Variants in HDGF observed in about 807,000 individuals in gnomAD.
The protein encoded by HDGF is hepatoma-derived growth factor.
In HDGF, 5 loss-of-function variants were observed where a neutral mutation model predicts 30.0. The ratio of observed to expected loss-of-function variants is 0.17; its 90% CI spans 0.09 to 0.35. HDGF has a LOEUF of 0.35. Among genes scored for constraint, HDGF ranks in the 10% least tolerant of loss-of-function variants. HDGF has a pLI of 1.00. For missense variants in HDGF, 214 were observed against 302.8 expected, an observed-to-expected ratio of 0.71 and a Z score of 2.18; for synonymous variants, 133 against 112.7, an observed-to-expected ratio of 1.18 and a Z score of -1.14.
upstream of HDGF, chr1:156,752,217 C>T: frequency 6.4e-7 from 1 of 1,551,796 alleles, no homozygotes. Flanking sequence ...CTCTGGACCT[C>T]GCCGTGCTTA....
chr1:156,752,320 T>A, upstream of HDGF: 3 of 1,551,760 alleles, frequency 1.9e-6, no homozygotes, highest in Admixed American at 5.9e-5. Context: ...AGCCAGGAGA[T>A]GGCCAAGGAG....
At chr1:156,761,023 A>G (rs2102740259) in intron 1 of HDGF, among the ~76,000 whole-genome samples, 1 of 152,068 alleles carries the variant, frequency 6.6e-6, no homozygotes, top group East Asian at 1.9e-4. Context: ...AAATGTTTCT[A>G]CAAAAAAAAT....
chr1:156,742,717 C>T lies in HDGF; in HGVS notation c.*732G>A, dbSNP rs907722145. 6.5e-6 allele frequency: 1 copy of T among 154,698 alleles called. No homozygotes were observed. Among genetic ancestry groups the T allele is most frequent in the Non-Finnish European group, 1.5e-5 (1 of 68,204 alleles). 9.6% of individuals were successfully genotyped at this position (154,698 alleles called of 1,614,324 possible). A position where few individuals can be genotyped will look rare whatever the true frequency, so the allele number is the denominator to read the frequency against. On this transcript the variant is annotated 3_prime_UTR_variant, in exon 6 of 6. Coordinates refer to ENST00000357325, the MANE Select transcript of HDGF (RefSeq NM_004494.3). ...TAAAGGGGGACAGATGCTCAACACT[C>T]CCACCCAAATGGGTAAAGTCAACCC...
intron 4 of HDGF, 45 bp downstream of exon 4, chr1:156,744,118 G>A (rs1650335076): frequency 6.3e-7 from 1 of 1,583,792 alleles, no homozygotes; most frequent in African/African-American, 1.3e-5. Flanking sequence ...GATACCCCAT[G>A]GGGAATGTTG....
rs138665143 is a variant in HDGF, at chr1:156,742,613, C to T, written c.*836G>A. The T allele has an allele frequency of 6.5e-6, 1 of 152,948 alleles. No individual in the cohort carries two copies. The highest frequency in any genetic ancestry group is 1.9e-4 in the East Asian group (1 of 5,186). The allele number at this position is 152,948 out of a possible 1,614,324, so 9.5% of individuals were successfully genotyped here. ...TCTGGGTGATATATATGACTATAAGCTGGCCTTGAGCACTGTGTGGAGAGG... is the reference window on the plus strand; with the variant it reads ...TCTGGGTGATATATATGACTATAAGTTGGCCTTGAGCACTGTGTGGAGAGG... On this transcript the variant is annotated 3_prime_UTR_variant, in exon 6 of 6. Coordinates refer to ENST00000357325, the MANE Select transcript of HDGF (RefSeq NM_004494.3).
intron 1 of HDGF, among the ~76,000 whole-genome samples, chr1:156,748,694 G>C (rs1650760643): frequency 6.6e-6 from 1 of 152,160 alleles, no homozygotes; most frequent in Non-Finnish European, 1.5e-5. Context: ...CTCTCCCCCA[G>C]CCTCAGACTA....
Position 156,744,197 on chromosome 1 carries a change from C to G in HDGF, c.455G>C (p.Gly152Ala), listed in dbSNP as rs1287090650. The change falls in exon 4 of 6, where the codon GGA becomes GCA. Residue 152 changes from glycine to alanine, a missense_variant. Gly to Ala is a moderately conservative substitution (Grantham distance 60, BLOSUM62 0). Around this residue, in one of 2 missense-constraint regions of HDGF, gnomAD observed 176 missense variants for 211.7 expected, o/e 0.83. Coordinates refer to ENST00000357325, the MANE Select transcript of HDGF (RefSeq NM_004494.3). ...DEPAKEKNEK[G>A]ALKRRAGDLL... is the part of the protein sequence containing the mutation. Reference sequence around the variant, plus strand: ...GTCCCCTGCTCTCCTCTTCAACGCTCCTTTCTCGTTCTTCTCCTTGGCTGG... The same window carrying G: ...GTCCCCTGCTCTCCTCTTCAACGCTGCTTTCTCGTTCTTCTCCTTGGCTGG... 6.2e-7 allele frequency: 1 copy of G among 1,614,134 alleles called. No homozygotes were observed. Among genetic ancestry groups the G allele is most frequent in the Non-Finnish European group, 8.5e-7 (1 of 1,180,006 alleles).
At chr1:156,748,911 G>C (rs1650780639) in intron 1 of HDGF, among the ~76,000 whole-genome samples, 1 of 152,234 alleles carries the variant, frequency 6.6e-6, no homozygotes, top group Admixed American at 6.5e-5. Flanking sequence ...GCACCGGGAG[G>C]AAAGACGGGT....
chr1:156,764,766 A>G (rs1029843073), intron 1 of HDGF, among the ~76,000 whole-genome samples: 2 of 151,722 alleles, frequency 1.3e-5, no homozygotes, highest in African/African-American at 4.8e-5. Flanking sequence ...CACACCTGTA[A>G]TCCCAGCTAC....
In HDGF at chr1:156,743,332, A is replaced by T. The variant is rs887454019; in HGVS notation, c.*117T>A. The T allele has an allele frequency of 1.8e-6, 2 of 1,088,862 alleles. No homozygotes were observed. Among genetic ancestry groups the T allele is most frequent in the African/African-American group, 3.2e-5 (2 of 61,964 alleles). The allele number at this position is 1,088,862 out of a possible 1,614,324, so 67.5% of individuals were successfully genotyped here. On this transcript the variant is annotated 3_prime_UTR_variant, in exon 6 of 6. Transcript: ENST00000357325. Reference sequence around the variant, plus strand: ...TTGGAGTGGGAAAAGTGAGTAGAAGAGGAGAGCAGGTTGGGGTGGGAAAGG... The same window carrying T: ...TTGGAGTGGGAAAAGTGAGTAGAAGTGGAGAGCAGGTTGGGGTGGGAAAGG...
upstream of HDGF, among the ~76,000 whole-genome samples, chr1:156,754,073 G>A (rs146418934): frequency 5.1e-4 from 78 of 151,662 alleles, no homozygotes; most frequent in African/African-American, 1.3e-3. Flanking sequence ...GCGTCACCAC[G>A]CCAGGCTAAT....
chr1:156,748,126 A>G (rs1333139402), intron 1 of HDGF, among the ~76,000 whole-genome samples: 1 of 152,054 alleles, frequency 6.6e-6, no homozygotes, highest in East Asian at 1.9e-4. Flanking sequence ...GCATCATCCC[A>G]CCTGGCTCCC....
At position 156,743,583 on chromosome 1, in the gene HDGF, T is replaced by A. The variant is rs556819945; in HGVS notation, c.716+69A>T. On this transcript the variant is annotated intron_variant, in intron 5 of 5. Coordinates refer to ENST00000357325, the MANE Select transcript of HDGF (RefSeq NM_004494.3). ...AGAGGCTGACCACTGCAGGCCCTTT[T>A]CATCCTCTTCTCCGAGAGTGGCCGG... 99 of 1,556,584 alleles carry A rather than the reference T, an allele frequency of 6.4e-5. 3 individuals carry two copies. In the Admixed American group the frequency reaches 1.6e-3, roughly 25 times the overall value.
rs371694112 is a variant in HDGF at position 156,751,322 on chromosome 1, G to A, written c.87+21C>T. ...ACCCAAGCCCGCAGGGGGTTAGGGG[G>A]CGGCGGGCCGCGCTGCTCACCCGGG... On this transcript the variant is annotated intron_variant, in intron 1 of 5. Coordinates refer to ENST00000357325, the MANE Select transcript of HDGF (RefSeq NM_004494.3). This position sits in a 1 kb window ranked among gnomAD's most constrained non-coding sequence, Gnocchi z 4.7. The A allele has an allele frequency of 2.5e-6, 4 of 1,604,526 alleles. No homozygotes were observed. Among genetic ancestry groups the A allele is most frequent in the Admixed American group, 1.7e-5 (1 of 59,330 alleles).
chr1:156,765,623 C>T (rs1303686798), intron 1 of HDGF, among the ~76,000 whole-genome samples: 2 of 150,970 alleles, frequency 1.3e-5, no homozygotes, highest in Admixed American at 6.6e-5. Flanking sequence ...TACAGGCGCC[C>T]GCCACCACAC....
At chr1:156,754,270 AAG>A (rs1651117385), upstream of HDGF, among the ~76,000 whole-genome samples, 1 of 152,246 alleles carries the variant, frequency 6.6e-6, no homozygotes, top group Non-Finnish European at 1.5e-5. Flanking sequence ...AGTAAAAAGC[AAG>A]AGCCCTTCCC....
At chr1:156,761,857 G>C (rs1423280124) in intron 1 of HDGF, among the ~76,000 whole-genome samples, 2 of 147,658 alleles carry the variant, frequency 1.4e-5, no homozygotes, top group Non-Finnish European at 3.0e-5. Context: ...TGAGGCAGGA[G>C]AATCACTTGA....
chr1:156,744,661 C>T (rs1160797992), intron 3 of HDGF: 9 of 687,420 alleles, frequency 1.3e-5, no homozygotes, highest in Admixed American at 7.1e-5. Context: ...CCTCCCGCCT[C>T]GTCCTGCCCG....
chr1:156,747,847 G>A (rs1229220614), intron 1 of HDGF, among the ~76,000 whole-genome samples: 3 of 152,148 alleles, frequency 2.0e-5, no homozygotes, highest in African/African-American at 7.2e-5. Flanking sequence ...ACTGCAAAGT[G>A]GCTACCTGGC....
Sources: gnomAD v4.1 joint callset for allele counts (sites outside exome capture counted in the v4.1 genomes callset) on GRCh38, gnomAD v4.1.1 for gene constraint, gnomAD v4.1.1 regional missense constraint, Gnocchi (gnomAD v3.1) non-coding constraint, MANE v1.5 for transcripts, NCBI Gene and HGNC (gene_info 2026-07-23, HGNC 2026-07-21) for gene names.